Variants in FAM53A observed in about 807,000 individuals in gnomAD.
The protein encoded by FAM53A is family with sequence similarity 53 member A.
FAM53A carries 28 observed loss-of-function variants against 26.6 expected under a neutral mutation model. That is an observed-to-expected ratio of 1.05 (90% CI 0.78 to 1.45). FAM53A has a LOEUF of 1.45. FAM53A is among the 40% of genes most tolerant of loss of function. The pLI, the probability that FAM53A is intolerant of heterozygous loss-of-function variation, is 0.00. For missense variants in FAM53A, 650 were observed against 575.8 expected, an observed-to-expected ratio of 1.13 and a Z score of -1.32; for synonymous variants, 290 against 253.1, an observed-to-expected ratio of 1.15 and a Z score of -1.38.
intron 1 of FAM53A, among the ~76,000 whole-genome samples, chr4:1,620,111 G>A (rs1714963952): frequency 6.6e-6 from 1 of 151,974 alleles, no homozygotes; most frequent in Non-Finnish European, 1.5e-5. Flanking sequence ...GGAGGCAGAG[G>A]CAGGAGAATC....
chr4:1,667,715 A>G (rs1285414680), intron 2 of FAM53A, among the ~76,000 whole-genome samples: 2 of 152,106 alleles, frequency 1.3e-5, no homozygotes, highest in Non-Finnish European at 2.9e-5. Flanking sequence ...CGTAACACGC[A>G]AGGGGCTACA....
Position 1,655,657 on chromosome 4 carries a change from T to G in FAM53A, c.203A>C (p.Asp68Ala). The change falls in exon 4 of 5, where the codon GAT (aspartate) becomes GCT (alanine). Residue 68 changes from aspartate to alanine, a missense_variant. Asp to Ala is a moderately radical substitution (Grantham distance 126, BLOSUM62 -2). Transcript: ENST00000308132. ...AGACAGGCCCGGCAGGAAGGAGAAA[T>G]CAGGGCCCGTGGCTGCCTGGCTTCT... ...PVRSQAATGP[D>A]FSFLPGLSAA... 1 of 1,595,670 alleles carries G rather than the reference T, an allele frequency of 6.3e-7. No individual in the cohort carries two copies. Among genetic ancestry groups the G allele is most frequent in the Non-Finnish European group, 8.5e-7 (1 of 1,172,812 alleles).
chr4:1,619,503 C>A (rs1714935371), intron 1 of FAM53A, among the ~76,000 whole-genome samples: 1 of 152,218 alleles, frequency 6.6e-6, no homozygotes, highest in Non-Finnish European at 1.5e-5. Context: ...CAGACTCATG[C>A]ACCTGTGGAC....
At chr4:1,591,807 G>A in the FAM53A span, among the ~76,000 whole-genome samples, 1 of 152,130 alleles carries the variant, frequency 6.6e-6, no homozygotes, top group Admixed American at 6.5e-5. Flanking sequence ...CTCCCCAGAG[G>A]GCCGCAGGAG....
the FAM53A span, among the ~76,000 whole-genome samples, chr4:1,606,335 G>A: frequency 4.0e-5 from 6 of 151,726 alleles, no homozygotes; most frequent in East Asian, 7.7e-4. Flanking sequence ...ATGAGCCACC[G>A]CACCCGGCCT....
chr4:1,602,846 C>T, the FAM53A span, among the ~76,000 whole-genome samples: 2 of 152,088 alleles, frequency 1.3e-5, no homozygotes, highest in South Asian at 4.1e-4. Flanking sequence ...GAGCCGGCTC[C>T]GGCGGGAGGG....
the FAM53A span, among the ~76,000 whole-genome samples, chr4:1,596,404 A>AC: frequency 4.7e-4 from 50 of 105,376 alleles, no homozygotes; most frequent in South Asian, 7.0e-4. Context: ...GTGCGCCCCC[A>AC]CCCACCTTCC....
the FAM53A span, among the ~76,000 whole-genome samples, chr4:1,579,736 G>A: frequency 6.6e-6 from 1 of 152,190 alleles, no homozygotes; most frequent in Admixed American, 6.5e-5. Context: ...CGTGTCCCCA[G>A]GGCGCCTCCC....
intron 4 of FAM53A, among the ~76,000 whole-genome samples, chr4:1,651,972 GCACACACCACACGCACACCTCACA>G (rs1560157394): frequency 7.2e-6 from 1 of 139,652 alleles, no homozygotes; most frequent in African/African-American, 2.7e-5. Context: ...CACCATGCAC[GCACACACCACACGCACACCTCACA>G]CACACACCAC....
rs1362992329 is a variant in FAM53A at position 1,655,575 on chromosome 4, T to G, written c.285A>C (p.Ala95=). The change falls in exon 4 of 5, where the codon GCA becomes GCC. Residue 95 remains alanine (A), a synonymous_variant. Transcript: ENST00000308132. ...CCACGGTGCTGGCTGCACCCAGGCC[T>G]GCGCCTGGGCGCGGGGACTGTGGCT... ...QWQPQSPRPG[A]GLGAASTVDP... The G allele has an allele frequency of 5.7e-6, 9 of 1,581,246 alleles. No individual in the cohort carries two copies. The Middle Eastern group carries it at 5.1e-4, about 89-fold the overall frequency.
rs774961041 is a variant in FAM53A, at chr4:1,641,592, T to C, written c.898A>G (p.Lys300Glu). ...TCGTAATTGAGGGAGCAAAGGCTTT[T>C]TGAATTTTTTAAAGTCTGCAATAGA... Reference protein sequence around the residue: ...LKMTQTLKNSKSLCSLNYEDD... With the variant: ...LKMTQTLKNSESLCSLNYEDD... Residue 300 changes from lysine (K) to glutamate (E), a missense_variant, in exon 5 of 5, where the codon AAA (lysine) becomes GAA (glutamate). Lys to Glu is a moderately conservative substitution (Grantham distance 56). Transcript: ENST00000308132. 4 of 1,614,136 alleles carry C rather than the reference T, an allele frequency of 2.5e-6. No homozygotes were observed. Among genetic ancestry groups the C allele is most frequent in the Non-Finnish European group, 3.4e-6 (4 of 1,179,990 alleles).
At chr4:1,616,354 C>T (rs1714810747), downstream of FAM53A, among the ~76,000 whole-genome samples, 1 of 152,162 alleles carries the variant, frequency 6.6e-6, no homozygotes, top group Non-Finnish European at 1.5e-5. Flanking sequence ...CCCACCCCTC[C>T]CTACTGAGCC....
chr4:1,603,109 C>T, the FAM53A span, among the ~76,000 whole-genome samples: 16 of 152,324 alleles, frequency 1.1e-4, no homozygotes, highest in African/African-American at 3.6e-4. Context: ...GGCTCCTGCT[C>T]GGTGGGAAGC....
chr4:1,657,357 C>A, intron 3 of FAM53A, 51 bp downstream of exon 3: 1 of 1,551,668 alleles, frequency 6.4e-7, no homozygotes, highest in Non-Finnish European at 8.8e-7. Flanking sequence ...AGCCCAGGAG[C>A]CCAGTCCCAG....
At chr4:1,585,435 T>C in the FAM53A span, among the ~76,000 whole-genome samples, 1 of 152,044 alleles carries the variant, frequency 6.6e-6, no homozygotes, top group Non-Finnish European at 1.5e-5. Context: ...TACAGGCGCA[T>C]GCCACCACAC....
chr4:1,598,858 A>G, the FAM53A span, among the ~76,000 whole-genome samples: 9 of 152,274 alleles, frequency 5.9e-5, 1 homozygote, highest in South Asian at 4.1e-4. Flanking sequence ...GGCACAGCCC[A>G]GCTCCGGGGC....
chr4:1,660,130 A>G (rs577185488), intron 2 of FAM53A, among the ~76,000 whole-genome samples: 1 of 152,166 alleles, frequency 6.6e-6, no homozygotes, highest in African/African-American at 2.4e-5. Context: ...TAAAAATACA[A>G]AAATTAGCTG....
At chr4:1,576,613 T>C in the FAM53A span, among the ~76,000 whole-genome samples, 2 of 152,168 alleles carry the variant, frequency 1.3e-5, no homozygotes, top group African/African-American at 4.8e-5. Context: ...TGAGGCAGAG[T>C]TTTCTGTTCA....
chr4:1,682,425 GTTAAT>G (rs1272591837), intron 1 of FAM53A, among the ~76,000 whole-genome samples: 1 of 151,926 alleles, frequency 6.6e-6, no homozygotes, highest in Non-Finnish European at 1.5e-5. Flanking sequence ...ACCACACCCA[GTTAAT>G]TTTTCTATTT....
Sources: gnomAD v4.1 joint callset for allele counts (sites outside exome capture counted in the v4.1 genomes callset) on GRCh38, gnomAD v4.1.1 for gene constraint, MANE v1.5 for transcripts, NCBI Gene and HGNC (gene_info 2026-07-23, HGNC 2026-07-21) for gene names.